The following GRIK4 variants were observed in gnomAD, a reference collection of about 807,000 sequenced individuals.
GRIK4 encodes glutamate receptor ionotropic, kainate 4.
GRIK4 carries 40 observed loss-of-function variants against 104.9 expected under a neutral mutation model. That is an observed-to-expected ratio of 0.38 (90% CI 0.30 to 0.50). The LOEUF is 0.50. GRIK4 is among the 20% of genes least tolerant of loss of function. The pLI is 0.93. For missense variants in GRIK4, 1,047 were observed against 1,308.1 expected (o/e 0.80, Z 3.08); for synonymous variants, 485 against 524.9 (o/e 0.92, Z 1.04).
intron 3 of GRIK4, among the ~76,000 whole-genome samples, chr11:120,734,153 C>T (rs1951185472): frequency 6.6e-6 from 1 of 152,102 alleles, no homozygotes; most frequent in South Asian, 2.1e-4. Flanking sequence ...CAGATGATTT[C>T]TTATTGCTCA....
At chr11:120,923,793 T>C (rs936172389) in intron 13 of GRIK4, among the ~76,000 whole-genome samples, 44 of 152,206 alleles carry the variant, frequency 2.9e-4, no homozygotes, top group African/African-American at 9.6e-4. Context: ...AGAAAGCAAG[T>C]TCAGAGAGGC....
At chr11:120,588,133 G>A (rs1248915896) in intron 1 of GRIK4, among the ~76,000 whole-genome samples, 1 of 152,186 alleles carries the variant, frequency 6.6e-6, no homozygotes, top group Non-Finnish European at 1.5e-5. Context: ...AGACAGAGAT[G>A]TCCAGAGCAC....
intron 13 of GRIK4, among the ~76,000 whole-genome samples, chr11:120,928,099 C>T (rs1216362204): frequency 1.3e-5 from 2 of 151,672 alleles, no homozygotes; most frequent in African/African-American, 2.4e-5. Context: ...ACTGTAATCC[C>T]AGCTACTCGG....
At chr11:120,860,785 C>T (rs952282260) in intron 8 of GRIK4, among the ~76,000 whole-genome samples, 3 of 152,190 alleles carry the variant, frequency 2.0e-5, no homozygotes, top group African/African-American at 4.8e-5. Flanking sequence ...CGCAAACCTT[C>T]AGGTTGAGGT....
At chr11:120,591,098 C>T (rs745949933) in intron 1 of GRIK4, among the ~76,000 whole-genome samples, 57 of 152,046 alleles carry the variant, frequency 3.7e-4, no homozygotes, top group Non-Finnish European at 4.7e-4. Context: ...CACCATACTG[C>T]GCGATCCAGC....
intron 1 of GRIK4, among the ~76,000 whole-genome samples, chr11:120,518,684 C>CATTGG (rs1355155780): frequency 6.6e-6 from 1 of 152,094 alleles, no homozygotes; most frequent in Non-Finnish European, 1.5e-5. Context: ...ATGTGCGCGA[C>CATTGG]CTTGGCTTAC....
intron 1 of GRIK4, among the ~76,000 whole-genome samples, chr11:120,629,692 G>A (rs1217922775): frequency 6.6e-6 from 1 of 152,204 alleles, no homozygotes; most frequent in Admixed American, 6.5e-5. Context: ...TGTCCTGCTA[G>A]GCAGAAAGTT....
chr11:120,562,818 A>G (rs150142340), intron 1 of GRIK4, among the ~76,000 whole-genome samples: 2 of 152,338 alleles, frequency 1.3e-5, no homozygotes, highest in African/African-American at 4.8e-5. Flanking sequence ...TCTAGAAGGT[A>G]GAACCCACAG....
At chr11:120,517,441 G>A (rs989591399) in intron 1 of GRIK4, among the ~76,000 whole-genome samples, 2 of 148,558 alleles carry the variant, frequency 1.3e-5, no homozygotes, top group Admixed American at 1.3e-4. Flanking sequence ...GGCTGGCATC[G>A]TTTGCCCCAG....
At chr11:120,861,214 T>C (rs1383702114) in intron 8 of GRIK4, among the ~76,000 whole-genome samples, 1 of 148,616 alleles carries the variant, frequency 6.7e-6, no homozygotes, top group African/African-American at 2.5e-5. Context: ...GTTCAAGCGA[T>C]TCTCCTGCCT....
intron 13 of GRIK4, among the ~76,000 whole-genome samples, chr11:120,921,390 G>A (rs1286406574): frequency 6.6e-6 from 1 of 152,232 alleles, no homozygotes; most frequent in Admixed American, 6.5e-5. Context: ...GCATGTGGAA[G>A]AGAATTAACC....
intron 2 of GRIK4, among the ~76,000 whole-genome samples, chr11:120,658,364 C>T (rs1949747190): frequency 6.6e-6 from 1 of 152,136 alleles, no homozygotes; most frequent in Non-Finnish European, 1.5e-5. Context: ...CATGTCTTTG[C>T]TAATCATATA....
intron 14 of GRIK4, among the ~76,000 whole-genome samples, chr11:120,941,142 G>T (rs1456091151): frequency 6.6e-6 from 1 of 152,216 alleles, no homozygotes; most frequent in Non-Finnish European, 1.5e-5. Context: ...GACAGTGCCA[G>T]CAAATAGCTG....
chr11:120,867,647 C>T (rs929223039), intron 9 of GRIK4, among the ~76,000 whole-genome samples: 5 of 152,014 alleles, frequency 3.3e-5, no homozygotes, highest in South Asian at 2.1e-4. Flanking sequence ...GAGAGGGAGC[C>T]CCGTTCTAAG....
chr11:120,539,140 T>C (rs1331919885), intron 1 of GRIK4, among the ~76,000 whole-genome samples: 1 of 152,114 alleles, frequency 6.6e-6, no homozygotes, highest in African/African-American at 2.4e-5. Context: ...TAGGGGAAGG[T>C]ACCCCTCAAA....
At chr11:120,616,287 T>C (rs916074900) in intron 1 of GRIK4, among the ~76,000 whole-genome samples, 2 of 152,068 alleles carry the variant, frequency 1.3e-5, no homozygotes, top group Non-Finnish European at 2.9e-5. Flanking sequence ...CATGATGGAT[T>C]GTGACCACTC....
At chr11:120,828,127 C>T (rs543324524) in intron 6 of GRIK4, among the ~76,000 whole-genome samples, 1 of 152,298 alleles carries the variant, frequency 6.6e-6, no homozygotes, top group East Asian at 1.9e-4. Context: ...TTACTTTCTT[C>T]CCCCACAGTC....
intron 8 of GRIK4, among the ~76,000 whole-genome samples, chr11:120,849,967 C>T (rs952968164): frequency 6.6e-5 from 10 of 152,184 alleles, no homozygotes; most frequent in African/African-American, 2.2e-4. Context: ...AAGTTCATTC[C>T]TGTGGTTGGC....
At chr11:120,640,818 C>G (rs1314273809) in intron 1 of GRIK4, among the ~76,000 whole-genome samples, 1 of 152,182 alleles carries the variant, frequency 6.6e-6, no homozygotes, top group East Asian at 1.9e-4. Context: ...CAGCAGTTCC[C>G]CTGCCTCAGC....
Sources: allele counts gnomAD v4.1 joint callset (sites outside exome capture counted in the v4.1 genomes callset), GRCh38; gene constraint gnomAD v4.1.1; transcripts MANE v1.5; gene names NCBI Gene and HGNC (gene_info 2026-07-23, HGNC 2026-07-21).